SLC30A9: variants seen among roughly 807,000 people sequenced by gnomAD.
The protein encoded by SLC30A9 is solute carrier family 30 member 9.
SLC30A9 carries 58 observed loss-of-function variants against 87.5 expected under a neutral mutation model. The observed-to-expected ratio is 0.66, with a 90% CI of 0.54 to 0.82. The LOEUF (loss-of-function observed/expected upper bound fraction) is 0.82. SLC30A9 is among the 40% of genes least tolerant of loss of function. The pLI is 0.00. For missense variants in SLC30A9, 557 were observed against 679.1 expected (o/e 0.82, Z 2.00); for synonymous variants, 234 against 233.0 (o/e 1.00, Z -0.04).
At chr4:42,028,360 C>T (rs1577694219) in intron 6 of SLC30A9, among the ~76,000 whole-genome samples, 3 of 152,142 alleles carry the variant, frequency 2.0e-5, no homozygotes, top group Admixed American at 2.0e-4. Flanking sequence ...ATCTTGTGAT[C>T]CTCCCTCCTT....
chr4:42,061,757 G>A (rs1285360585), intron 10 of SLC30A9, among the ~76,000 whole-genome samples: 7 of 151,892 alleles, frequency 4.6e-5, no homozygotes, highest in Non-Finnish European at 1.0e-4. Flanking sequence ...AAAATTAGCC[G>A]GGTGTGGTGG....
chr4:42,015,238 A>G (rs1439694352), intron 2 of SLC30A9, among the ~76,000 whole-genome samples: 2 of 152,202 alleles, frequency 1.3e-5, no homozygotes, highest in Non-Finnish European at 2.9e-5. Context: ...CCAAAAAATA[A>G]TAAAAAGTTT....
intron 6 of SLC30A9, among the ~76,000 whole-genome samples, chr4:42,024,241 C>T (rs978824991): frequency 1.3e-5 from 2 of 152,142 alleles, no homozygotes; most frequent in African/African-American, 4.8e-5. Context: ...GTCCCAGCTA[C>T]TTGCCTGTAA....
At chr4:42,012,554 G>T (rs1258262330) in intron 2 of SLC30A9, among the ~76,000 whole-genome samples, 1 of 152,170 alleles carries the variant, frequency 6.6e-6, no homozygotes, top group Non-Finnish European at 1.5e-5. Flanking sequence ...ATAAGCGCGT[G>T]ATGGAGAATG....
intron 16 of SLC30A9, 149 bp downstream of exon 16, chr4:42,075,935 C>A: frequency 3.0e-6 from 2 of 664,614 alleles, no homozygotes; most frequent in Non-Finnish European, 5.0e-6. Context: ...TTTATATTTA[C>A]TATGGAGGGG....
intron 8 of SLC30A9, among the ~76,000 whole-genome samples, chr4:42,046,343 C>T (rs1247358631): frequency 6.6e-6 from 1 of 152,226 alleles, no homozygotes; most frequent in Non-Finnish European, 1.5e-5. Flanking sequence ...ACCCCATAAT[C>T]TCAGCCCAAA....
chr4:42,013,285 AAATAAT>A (rs1272917652), intron 2 of SLC30A9, among the ~76,000 whole-genome samples: 5 of 152,240 alleles, frequency 3.3e-5, no homozygotes, highest in African/African-American at 1.2e-4. Context: ...ACTCCTAAAA[AAATAAT>A]AATAATAGTA....
chr4:42,028,030 A>G (rs1293055904), intron 6 of SLC30A9, among the ~76,000 whole-genome samples: 1 of 152,212 alleles, frequency 6.6e-6, no homozygotes, highest in Non-Finnish European at 1.5e-5. Flanking sequence ...TACCAATACT[A>G]TTTGAGGAGT....
At position 42,078,247 on chromosome 4, in the gene SLC30A9, G is replaced by A; in HGVS notation, c.1584G>A (p.Glu528=). Residue 528 remains glutamate, a synonymous_variant, in exon 17 of 18, where the codon GAG becomes GAA. Transcript: ENST00000264451. ...AAGTGAAAACTCCTGAAGAACTAGA[G>A]ACCTTTATGCTTAAACATGGAGAAA... ...IQEVKTPEEL[E]TFMLKHGENI... The A allele has an allele frequency of 6.4e-7, 1 of 1,573,488 alleles. No individual in the cohort carries two copies. Among genetic ancestry groups the A allele is most frequent in the Non-Finnish European group, 8.7e-7 (1 of 1,154,762 alleles).
chr4:42,064,176 A>G (rs1416239941), intron 11 of SLC30A9, among the ~76,000 whole-genome samples: 3 of 152,232 alleles, frequency 2.0e-5, no homozygotes, highest in African/African-American at 2.4e-5. Flanking sequence ...CACCAAAGAA[A>G]TCTTCATTTT....
Position 42,089,304 on chromosome 4 carries a change from C to G in SLC30A9, c.*3178C>G, listed in dbSNP as rs1466278659. 6.6e-6 allele frequency: 1 copy of G among 152,174 alleles called. No homozygotes were observed. Among genetic ancestry groups the G allele is most frequent in the East Asian group, 1.9e-4 (1 of 5,200 alleles). The allele number at this position is 152,174 out of a possible 1,614,324, so 9.4% of individuals were successfully genotyped here. On this transcript the variant is annotated 3_prime_UTR_variant, in exon 18 of 18. Transcript: ENST00000264451. ...AATAATAAGTAAAAAGCATCTGTAC[C>G]TACTTTTAGCTTTGGCTGAGAATGG...
intron 6 of SLC30A9, among the ~76,000 whole-genome samples, chr4:42,033,223 A>G (rs374484775): frequency 7.2e-5 from 11 of 152,254 alleles, no homozygotes; most frequent in Admixed American, 2.0e-4. Context: ...TCTTAGTCAA[A>G]CCTACAGAAC....
chr4:42,001,889 T>G (rs1012210644), intron 2 of SLC30A9, 109 bp downstream of exon 2: 1 of 659,330 alleles, frequency 1.5e-6, no homozygotes, highest in Non-Finnish European at 2.5e-6. Flanking sequence ...CTGTCTGGAC[T>G]GATGTTTTCT....
At chr4:42,054,780 C>A (rs1386571707) in intron 9 of SLC30A9, among the ~76,000 whole-genome samples, 1 of 151,520 alleles carries the variant, frequency 6.6e-6, no homozygotes, top group African/African-American at 2.4e-5. Flanking sequence ...GGATTACAGA[C>A]ATGAGCCACC....
chr4:42,043,643 C>T (rs1178775257), intron 8 of SLC30A9, among the ~76,000 whole-genome samples: 1 of 152,186 alleles, frequency 6.6e-6, no homozygotes, highest in Non-Finnish European at 1.5e-5. Flanking sequence ...GGAAAACACT[C>T]TTCAGGAGAT....
intron 7 of SLC30A9, among the ~76,000 whole-genome samples, chr4:42,037,608 A>T (rs1441769312): frequency 1.3e-5 from 2 of 152,078 alleles, no homozygotes; most frequent in South Asian, 4.1e-4. Context: ...AATCTATCCA[A>T]ATTTTCTGCA....
intron 17 of SLC30A9, among the ~76,000 whole-genome samples, chr4:42,080,391 A>G (rs1012467809): frequency 4.6e-5 from 7 of 152,240 alleles, no homozygotes; most frequent in Non-Finnish European, 1.0e-4. Context: ...AGCCAAGGGC[A>G]GAAGAAGTGC....
chr4:42,038,904 T>C (rs2153137382), intron 7 of SLC30A9, 82 bp from the exon 8 acceptor site: 1 of 815,302 alleles, frequency 1.2e-6, no homozygotes, highest in East Asian at 2.4e-5. Flanking sequence ...GAGGAAAATG[T>C]TCTGGTCTGT....
chr4:42,022,649 T>C (rs1716021069), intron 4 of SLC30A9, among the ~76,000 whole-genome samples, 189 bp from the exon 5 acceptor site: 1 of 152,200 alleles, frequency 6.6e-6, no homozygotes, highest in African/African-American at 2.4e-5. Flanking sequence ...AAGAGTAATT[T>C]TTTTTCACTG....
Sources: allele counts gnomAD v4.1 joint callset (sites outside exome capture counted in the v4.1 genomes callset), GRCh38; gene constraint gnomAD v4.1.1; transcripts MANE v1.5; gene names NCBI Gene and HGNC (gene_info 2026-07-23, HGNC 2026-07-21).